The following RCOR3 variants were observed in gnomAD, a reference collection of about 807,000 sequenced individuals.
RCOR3 encodes the protein REST corepressor 3.
In RCOR3, 13 loss-of-function variants were observed where a neutral mutation model predicts 64.1. That is an observed-to-expected ratio of 0.20 (90% CI 0.13 to 0.32). The LOEUF is 0.32. RCOR3 is among the 10% of genes least tolerant of loss of function. The pLI is 1.00. For missense variants in RCOR3, 489 were observed against 701.2 expected, an observed-to-expected ratio of 0.70 and a Z score of 3.42; for synonymous variants, 215 against 239.0, an observed-to-expected ratio of 0.90 and a Z score of 0.93.
rs112983891 is a variant in RCOR3, at chr1:211,272,683, G to A, written c.301+1374G>A. On this transcript the variant is annotated intron_variant, in intron 3 of 11. Transcript: ENST00000419091. ...GTCGCCCAGGCTGGAGTGCAGTGGC[G>A]GGATCTCGGCTCACTGCAAGCTCCG... Among the ~76,000 whole-genome samples, 827 of 126,450 alleles carry A rather than the reference G, an allele frequency of 6.5e-3. 6 individuals are homozygous for A. The highest frequency in any genetic ancestry group is 0.022 in the African/African-American group (749 of 34,604). The allele number at this position is 126,450 out of a possible 152,430, so 83.0% of individuals were successfully genotyped here.
chr1:211,268,405 G>A (rs1469701723), intron 2 of RCOR3, among the ~76,000 whole-genome samples: 2 of 109,288 alleles, frequency 1.8e-5, no homozygotes, highest in Non-Finnish European at 1.8e-5. Flanking sequence ...TTGAGATGGA[G>A]TTTCGCTCTT....
chr1:211,264,678 G>A (rs1694896370), intron 2 of RCOR3, among the ~76,000 whole-genome samples: 1 of 151,396 alleles, frequency 6.6e-6, no homozygotes, highest in Admixed American at 6.6e-5. Context: ...AATAAGACTT[G>A]GTCTCAAAAA....
At chr1:211,271,931 ACAT>A (rs776418267) in intron 3 of RCOR3, 8 of 161,642 alleles carry the variant, frequency 4.9e-5, no homozygotes, top group Non-Finnish European at 9.6e-5. Flanking sequence ...TTATTAAATA[ACAT>A]CAACAACAAC....
At chr1:211,288,679 G>C (rs1199921019) in intron 7 of RCOR3, among the ~76,000 whole-genome samples, 2 of 150,954 alleles carry the variant, frequency 1.3e-5, no homozygotes, top group Non-Finnish European at 2.9e-5. Context: ...TTAACCTTTA[G>C]AGGCGTAGTT....
intron 6 of RCOR3, 46 bp from the exon 7 acceptor site, chr1:211,279,192 A>T: frequency 7.2e-7 from 1 of 1,384,012 alleles, no homozygotes; most frequent in Non-Finnish European, 1.0e-6. Flanking sequence ...TGTCTTAAAA[A>T]AAAAAAAAAA....
Position 211,259,733 on chromosome 1 carries a change from G to A in RCOR3, c.166+7G>A, listed in dbSNP as rs1211981753. The A allele has an allele frequency of 7.4e-6, 11 of 1,486,248 alleles. No individual in the cohort carries two copies. In the East Asian group the frequency reaches 7.7e-5, roughly 10 times the overall value. 92.1% of individuals were successfully genotyped at this position (1,486,248 alleles called of 1,614,324 possible). A position where few individuals can be genotyped will look rare whatever the true frequency, so the allele number is the denominator to read the frequency against. On this transcript the variant is annotated splice_region_variant and intron_variant, in intron 1 of 11. Transcript: ENST00000419091. Reference sequence around the variant, plus strand: ...AGCAGCGACGACGAGCACGGTGGTAGCCTCGAACTCCTCCCCGCCAGCCCG... The same window carrying A: ...AGCAGCGACGACGAGCACGGTGGTAACCTCGAACTCCTCCCCGCCAGCCCG...
intron 8 of RCOR3, among the ~76,000 whole-genome samples, chr1:211,295,041 C>A (rs181416156): frequency 9.1e-6 from 1 of 109,612 alleles, no homozygotes; most frequent in East Asian, 2.8e-4. Flanking sequence ...CCATGACCAG[C>A]TAATTTTTTT....
intron 2 of RCOR3, among the ~76,000 whole-genome samples, chr1:211,263,395 T>TA (rs1694691131): frequency 6.6e-6 from 1 of 151,466 alleles, no homozygotes; most frequent in Non-Finnish European, 1.5e-5. Context: ...ACTGAAATGT[T>TA]ACTTTTTTTA....
intron 4 of RCOR3, among the ~76,000 whole-genome samples, chr1:211,274,576 G>C (rs1696686463): frequency 1.3e-5 from 2 of 151,954 alleles, no homozygotes; most frequent in African/African-American, 4.8e-5. Flanking sequence ...AGGTTTTGGT[G>C]TAATTTGGAG....
In RCOR3 at chr1:211,264,362, CTGA is replaced by C. The variant is rs1247267510; in HGVS notation, c.223+4206_223+4208del. Among the ~76,000 whole-genome samples the C allele has an allele frequency of 2.6e-5, 4 of 152,146 alleles. No homozygotes were observed. The East Asian group carries it at 7.7e-4, about 29-fold the overall frequency. ...ACTAATTTTATTGGAAAAGGTGATA[CTGA>C]TGATGATAAGAGTTAAGCAGGTAAA... On this transcript the variant is annotated intron_variant, in intron 2 of 11. Transcript: ENST00000419091.
chr1:211,259,517 A>C lies in RCOR3; in HGVS notation c.-44A>C. 6.6e-7 allele frequency: 1 copy of C among 1,525,266 alleles called. No homozygotes were observed. The highest frequency in any genetic ancestry group is 8.8e-7 in the Non-Finnish European group (1 of 1,134,738). 94.5% of individuals were successfully genotyped at this position (1,525,266 alleles called of 1,614,324 possible). A position where few individuals can be genotyped will look rare whatever the true frequency, so the allele number is the denominator to read the frequency against. ...CTAAGCCATCTCCGCCTTCACCCTG[A>C]CGCCTGCCTCTTCCCCTCACCTTTC... is the stretch of plus-strand genomic sequence containing the variant. On this transcript the variant is annotated 5_prime_UTR_variant, in exon 1 of 12. Transcript: ENST00000419091.
chr1:211,260,154 A>G lies in RCOR3; in HGVS notation c.213A>G (p.Glu71=), dbSNP rs1693983864. The change falls in exon 2 of 12, where the codon GAA becomes GAG. Residue 71 remains glutamate (E), a synonymous_variant. Transcript: ENST00000419091. ...CCGAATACCAAGCTCGGATCCCTGA[A>G]TTTGATCCAGGTAGATATATTTGCT... ...VGAEYQARIP[E]FDPGATKYTD... The G allele has an allele frequency of 6.2e-7, 1 of 1,611,994 alleles. No homozygotes were observed. The highest frequency in any genetic ancestry group is 8.5e-7 in the Non-Finnish European group (1 of 1,178,794).
At position 211,271,320 on chromosome 1, in the gene RCOR3, T is replaced by C. The variant is rs1174437864; in HGVS notation, c.301+11T>C. The C allele has an allele frequency of 1.9e-6, 3 of 1,606,354 alleles. No homozygotes were observed. The African/African-American group carries it at 4.0e-5, about 21-fold the overall frequency. On this transcript the variant is annotated intron_variant, in intron 3 of 11. Coordinates refer to ENST00000419091, the MANE Select transcript of RCOR3 (RefSeq NM_001136223.3). ...TCCCAGATGCCAAATGTAAGTTTTC[T>C]GAAGTTGAATGTTAATGTCAGCAGG...
intron 10 of RCOR3, among the ~76,000 whole-genome samples, chr1:211,306,947 T>G (rs1700906375): frequency 6.6e-6 from 1 of 152,180 alleles, no homozygotes; most frequent in Non-Finnish European, 1.5e-5. Context: ...TTAATCCTCT[T>G]AAAATATTTG....
At chr1:211,295,889 C>T in intron 9 of RCOR3, 136 bp downstream of exon 9, 2 of 597,726 alleles carry the variant, frequency 3.3e-6, no homozygotes, top group South Asian at 2.3e-5. Context: ...TTTATTATGT[C>T]TCTTTTTATT....
intron 10 of RCOR3, among the ~76,000 whole-genome samples, chr1:211,306,360 C>CT (rs1700853757): frequency 6.7e-6 from 1 of 150,032 alleles, no homozygotes; most frequent in African/African-American, 2.4e-5. Context: ...TTTGTTTTTT[C>CT]TTTTTTTAAA....
At chr1:211,291,035 A>G (rs1264566037) in intron 8 of RCOR3, among the ~76,000 whole-genome samples, 2 of 151,838 alleles carry the variant, frequency 1.3e-5, no homozygotes, top group African/African-American at 2.4e-5. Flanking sequence ...TTATCACTGC[A>G]TATTTAGTTA....
chr1:211,265,437 G>T (rs1459112301), intron 2 of RCOR3, among the ~76,000 whole-genome samples: 1 of 152,092 alleles, frequency 6.6e-6, no homozygotes, highest in Non-Finnish European at 1.5e-5. Context: ...GCTTTATTGG[G>T]CCCGGCGCGG....
At chr1:211,262,831 T>G (rs1231527948) in intron 2 of RCOR3, among the ~76,000 whole-genome samples, 7 of 151,278 alleles carry the variant, frequency 4.6e-5, no homozygotes, top group Admixed American at 1.3e-4. Context: ...GGTTTTTTTT[T>G]TTTTGAAGAA....
Sources: gnomAD v4.1 joint callset for allele counts (sites outside exome capture counted in the v4.1 genomes callset) on GRCh38, gnomAD v4.1.1 for gene constraint, MANE v1.5 for transcripts, NCBI Gene and HGNC (gene_info 2026-07-23, HGNC 2026-07-21) for gene names.